Variants in CELF4 observed in about 807,000 individuals in gnomAD.
CELF4 encodes CUG-BP- and ETR-3-like factor 4.
A neutral mutation model predicts 59.9 loss-of-function variants in CELF4; 18 were observed. The observed-to-expected ratio is 0.30, with a 90% CI of 0.21 to 0.45. The LOEUF is 0.45. Among genes scored for constraint, CELF4 ranks in the 20% least tolerant of loss-of-function variants. The probability of loss-of-function intolerance (pLI) is 1.00; values close to 1 mark genes in which losing one functional copy is unlikely to be tolerated. For missense variants in CELF4, 456 were observed against 689.0 expected (o/e 0.66, Z 3.79); for synonymous variants, 261 against 267.1 (o/e 0.98, Z 0.22).
At chr18:37,268,324 G>A (rs963489981) in intron 8 of CELF4, among the ~76,000 whole-genome samples, 1 of 152,132 alleles carries the variant, frequency 6.6e-6, no homozygotes, top group Non-Finnish European at 1.5e-5. Context: ...TTGGGAGGGT[G>A]GTCTCCTCTC....
intron 8 of CELF4, among the ~76,000 whole-genome samples, chr18:37,267,847 C>T (rs1001933852): frequency 6.6e-6 from 1 of 152,154 alleles, no homozygotes; most frequent in Non-Finnish European, 1.5e-5. Flanking sequence ...ACCAGCCTGG[C>T]CAACATGGTG....
intron 2 of CELF4, among the ~76,000 whole-genome samples, chr18:37,418,423 C>G (rs866611274): frequency 6.6e-6 from 1 of 152,218 alleles, no homozygotes; most frequent in South Asian, 2.1e-4. Flanking sequence ...CACCTGCCCC[C>G]CACTGAGCCT....
At chr18:37,280,673 C>G (rs1437140453) in intron 3 of CELF4, among the ~76,000 whole-genome samples, 1 of 152,184 alleles carries the variant, frequency 6.6e-6, no homozygotes, top group Non-Finnish European at 1.5e-5. Flanking sequence ...AGAATTTGAG[C>G]AAAGGTGGAG....
intron 2 of CELF4, among the ~76,000 whole-genome samples, chr18:37,354,114 TTC>T (rs1254698763): frequency 6.6e-6 from 1 of 152,198 alleles, no homozygotes; most frequent in East Asian, 1.9e-4. Flanking sequence ...TTTTACTTTT[TTC>T]CCTTAGGACT....
intron 2 of CELF4, among the ~76,000 whole-genome samples, chr18:37,374,152 G>T (rs1325828345): frequency 1.3e-5 from 2 of 152,178 alleles, no homozygotes; most frequent in Non-Finnish European, 2.9e-5. Context: ...CCCAGCTTGG[G>T]CAGAGAAGTT....
At chr18:37,300,950 G>C (rs2095990730) in intron 3 of CELF4, among the ~76,000 whole-genome samples, 1 of 152,220 alleles carries the variant, frequency 6.6e-6, no homozygotes, top group Non-Finnish European at 1.5e-5. Flanking sequence ...GATTCAGGCA[G>C]GCACTAAGGC....
At chr18:37,498,711 A>T (rs1479697117) in intron 1 of CELF4, among the ~76,000 whole-genome samples, 12 of 152,036 alleles carry the variant, frequency 7.9e-5, no homozygotes. Context: ...TGAGAAAGCC[A>T]TCCAACCCCT....
chr18:37,291,869 A>G (rs78067546), intron 3 of CELF4, among the ~76,000 whole-genome samples: 2,862 of 152,078 alleles, frequency 0.019, 92 homozygotes, highest in African/African-American at 0.066. Context: ...CCTTGTCCCA[A>G]CACAGCAAGG....
intron 2 of CELF4, among the ~76,000 whole-genome samples, chr18:37,336,579 C>T (rs1014719652): frequency 6.6e-6 from 1 of 152,180 alleles, no homozygotes; most frequent in African/African-American, 2.4e-5. Context: ...CAAAAGCCTG[C>T]TATGAGGGAG....
chr18:37,275,537 A>G (rs2093024896), intron 3 of CELF4: 2 of 423,034 alleles, frequency 4.7e-6, no homozygotes, highest in Non-Finnish European at 8.8e-6. Context: ...TCCCGCCTGC[A>G]GGGCAGGCTG....
At chr18:37,291,481 T>C (rs1251963742) in intron 3 of CELF4, among the ~76,000 whole-genome samples, 1 of 152,158 alleles carries the variant, frequency 6.6e-6, no homozygotes, top group African/African-American at 2.4e-5. Context: ...GAAGATAAAA[T>C]GTGAAACTCA....
chr18:37,551,337 G>A (rs1157280875), intron 1 of CELF4, among the ~76,000 whole-genome samples: 2 of 152,182 alleles, frequency 1.3e-5, no homozygotes, highest in East Asian at 3.9e-4. Flanking sequence ...CCTGGGCTGA[G>A]TTTCTCTTCC....
chr18:37,397,518 C>T (rs1381356373), intron 2 of CELF4, among the ~76,000 whole-genome samples: 1 of 152,108 alleles, frequency 6.6e-6, no homozygotes, highest in East Asian at 1.9e-4. Context: ...GGTTGGGATC[C>T]CTAAACTGCA....
At chr18:37,534,082 A>G (rs2154605181) in intron 1 of CELF4, among the ~76,000 whole-genome samples, 1 of 152,272 alleles carries the variant, frequency 6.6e-6, no homozygotes, top group East Asian at 1.9e-4. Flanking sequence ...CCTTACTGAC[A>G]GGCTCCTGGG....
intron 2 of CELF4, among the ~76,000 whole-genome samples, chr18:37,447,911 C>G (rs947936735): frequency 2.0e-5 from 3 of 152,156 alleles, no homozygotes; most frequent in African/African-American, 4.8e-5. Flanking sequence ...GTGACCATCC[C>G]CCAAGCACCT....
intron 3 of CELF4, among the ~76,000 whole-genome samples, chr18:37,282,768 G>A (rs1464683037): frequency 6.6e-6 from 1 of 152,096 alleles, no homozygotes; most frequent in African/African-American, 2.4e-5. Flanking sequence ...GACCAGGCTG[G>A]CCATCCTCCC....
intron 2 of CELF4, among the ~76,000 whole-genome samples, chr18:37,339,246 A>T (rs1269234872): frequency 6.6e-6 from 1 of 152,156 alleles, no homozygotes; most frequent in Non-Finnish European, 1.5e-5. Flanking sequence ...ATGATGATAA[A>T]TTTTACCCTG....
chr18:37,436,382 G>A (rs150043941), intron 2 of CELF4, among the ~76,000 whole-genome samples: 22 of 152,282 alleles, frequency 1.4e-4, no homozygotes, highest in African/African-American at 5.1e-4. Flanking sequence ...AAAGCTCCTC[G>A]CCTTGCAGTG....
chr18:37,541,784 C>T (rs926449976), intron 1 of CELF4, among the ~76,000 whole-genome samples: 8 of 151,938 alleles, frequency 5.3e-5, no homozygotes, highest in African/African-American at 1.7e-4. Flanking sequence ...GTGCTTTCTC[C>T]CGCCATGTCT....
Sources: allele counts gnomAD v4.1 joint callset (sites outside exome capture counted in the v4.1 genomes callset), GRCh38; gene constraint gnomAD v4.1.1; transcripts MANE v1.5; gene names NCBI Gene and HGNC (gene_info 2026-07-23, HGNC 2026-07-21).